ARHGEF38: variants seen among roughly 807,000 people sequenced by gnomAD.
ARHGEF38 encodes the protein Rho guanine nucleotide exchange factor 38, also known as Rho guanine nucleotide exchange factor (GEF) 38.
A neutral mutation model predicts 79.9 loss-of-function variants in ARHGEF38; 79 were observed. The observed-to-expected ratio is 0.99, with a 90% CI of 0.82 to 1.19. ARHGEF38 has a LOEUF of 1.19. Ranked by LOEUF, ARHGEF38 falls within the 50% of genes most tolerant of loss-of-function variation. The pLI is 0.00. For missense variants in ARHGEF38, 962 were observed against 907.2 expected, an observed-to-expected ratio of 1.06 and a Z score of -0.78; for synonymous variants, 366 against 328.3, an observed-to-expected ratio of 1.11 and a Z score of -1.24.
intron 1 of ARHGEF38, among the ~76,000 whole-genome samples, chr4:105,554,323 C>T (rs746095909): frequency 6.6e-6 from 1 of 152,084 alleles, no homozygotes; most frequent in Non-Finnish European, 1.5e-5. Context: ...GCATAGTACC[C>T]AGTAGGTGGT....
chr4:105,614,215 T>C (rs1287577474), intron 3 of ARHGEF38, among the ~76,000 whole-genome samples: 1 of 152,160 alleles, frequency 6.6e-6, no homozygotes, highest in African/African-American at 2.4e-5. Context: ...TCATACAGTG[T>C]CATGTAGGCT....
chr4:105,577,948 T>A (rs550177976), intron 1 of ARHGEF38, among the ~76,000 whole-genome samples: 2 of 152,302 alleles, frequency 1.3e-5, no homozygotes, highest in Admixed American at 1.3e-4. Flanking sequence ...TCTTTGTTAT[T>A]CCTCTTCTTC....
chr4:105,669,079 T>C (rs1730869653), intron 13 of ARHGEF38, among the ~76,000 whole-genome samples: 1 of 151,974 alleles, frequency 6.6e-6, no homozygotes, highest in African/African-American at 2.4e-5. Flanking sequence ...AAAGTAATGG[T>C]TTTTAGTCCC....
At chr4:105,600,352 C>T (rs1213511545) in intron 2 of ARHGEF38, among the ~76,000 whole-genome samples, 1 of 152,154 alleles carries the variant, frequency 6.6e-6, no homozygotes, top group African/African-American at 2.4e-5. Context: ...CAAAAGGAGG[C>T]ACTCACTTCC....
intron 3 of ARHGEF38, among the ~76,000 whole-genome samples, chr4:105,624,375 T>G (rs1466809972): frequency 6.6e-6 from 1 of 152,222 alleles, no homozygotes; most frequent in Admixed American, 6.5e-5. Context: ...AGTTTTCCAG[T>G]CTACTCTTCT....
intron 13 of ARHGEF38, among the ~76,000 whole-genome samples, chr4:105,668,683 T>C (rs1431577305): frequency 2.7e-5 from 4 of 150,754 alleles, no homozygotes; most frequent in Non-Finnish European, 4.4e-5. Flanking sequence ...GATAGATAGA[T>C]AGATAGATAG....
intron 1 of ARHGEF38, among the ~76,000 whole-genome samples, chr4:105,578,151 T>C (rs1475939290): frequency 6.6e-6 from 1 of 152,186 alleles, no homozygotes; most frequent in Non-Finnish European, 1.5e-5. Context: ...CAAAGAATAC[T>C]TAAATTTCTA....
At chr4:105,561,627 A>T (rs1423806241) in intron 1 of ARHGEF38, 1 of 152,062 alleles carries the variant, frequency 6.6e-6, no homozygotes, top group African/African-American at 2.4e-5. Flanking sequence ...CTCCCTGACC[A>T]TCCGACCTAA....
At chr4:105,555,704 T>C (rs1725222782) in intron 1 of ARHGEF38, among the ~76,000 whole-genome samples, 2 of 152,140 alleles carry the variant, frequency 1.3e-5, no homozygotes, top group South Asian at 4.1e-4. Flanking sequence ...GTTATTTAAT[T>C]AGTTATTTAA....
intron 9 of ARHGEF38, among the ~76,000 whole-genome samples, chr4:105,658,494 G>A (rs1408636089): frequency 6.6e-6 from 1 of 152,166 alleles, no homozygotes; most frequent in Non-Finnish European, 1.5e-5. Context: ...GTTACTATCT[G>A]TATAGGGGAT....
rs142127846 is a variant in ARHGEF38 at position 105,614,357 on chromosome 4, C to A, written c.508+850C>A. On this transcript the variant is annotated intron_variant, in intron 3 of 13. Transcript: ENST00000420470. Reference sequence around the variant, plus strand: ...TTTCCTTTCATATATCCCTCCAATGCCACTGCCTTCCCCACAAGTAACCGC... The same window carrying A: ...TTTCCTTTCATATATCCCTCCAATGACACTGCCTTCCCCACAAGTAACCGC... Among the ~76,000 whole-genome samples, 1,367 of 152,224 alleles carry A rather than the reference C, an allele frequency of 9.0e-3. 38 individuals carry two copies. The highest frequency in any genetic ancestry group is 0.049 in the Admixed American group (748 of 15,260).
At chr4:105,582,802 G>C (rs992026741) in intron 1 of ARHGEF38, among the ~76,000 whole-genome samples, 2 of 151,964 alleles carry the variant, frequency 1.3e-5, no homozygotes, top group African/African-American at 4.8e-5. Flanking sequence ...TTCACTTTTT[G>C]CTTCACATGT....
chr4:105,605,382 C>T lies in ARHGEF38; in HGVS notation c.385-8002C>T, dbSNP rs1325515756. On this transcript the variant is annotated intron_variant, in intron 2 of 13. Coordinates refer to ENST00000420470, the MANE Select transcript of ARHGEF38 (RefSeq NM_001242729.2). ...CTCTTTCTCTGGCTTTGACTGTTGC[C>T]TCTGTCCTTCCTCACACACATGCTG... Among the ~76,000 whole-genome samples the T allele has an allele frequency of 3.9e-5, 6 of 152,030 alleles. No homozygotes were observed. The East Asian group carries it at 5.8e-4, about 15-fold the overall frequency.
intron 2 of ARHGEF38, among the ~76,000 whole-genome samples, chr4:105,605,889 A>G (rs962173611): frequency 2.6e-5 from 4 of 152,140 alleles, no homozygotes; most frequent in Non-Finnish European, 5.9e-5. Flanking sequence ...AACCTACTTT[A>G]TCCTCTCAGA....
chr4:105,616,544 G>C (rs1728516631), intron 3 of ARHGEF38, among the ~76,000 whole-genome samples: 1 of 151,992 alleles, frequency 6.6e-6, no homozygotes, highest in South Asian at 2.1e-4. Flanking sequence ...GAACAGCAAG[G>C]GGAAAGTCCA....
chr4:105,578,391 T>C (rs1372959695), intron 1 of ARHGEF38, among the ~76,000 whole-genome samples: 1 of 152,210 alleles, frequency 6.6e-6, no homozygotes, highest in Non-Finnish European at 1.5e-5. Flanking sequence ...GAAGAATGTA[T>C]ATTCTGCAGT....
chr4:105,598,689 A>G (rs1727692028), intron 2 of ARHGEF38, among the ~76,000 whole-genome samples: 1 of 151,834 alleles, frequency 6.6e-6, no homozygotes, highest in Admixed American at 6.6e-5. Context: ...TTTTTTAATC[A>G]AAGACTTGAT....
intron 2 of ARHGEF38, among the ~76,000 whole-genome samples, chr4:105,598,397 T>C (rs1192826822): frequency 6.6e-6 from 1 of 152,104 alleles, no homozygotes; most frequent in Non-Finnish European, 1.5e-5. Context: ...TTCACTACAT[T>C]AAATAAAAAT....
chr4:105,569,593 A>G (rs1361327960), intron 1 of ARHGEF38, among the ~76,000 whole-genome samples: 1 of 152,170 alleles, frequency 6.6e-6, no homozygotes, highest in East Asian at 1.9e-4. Context: ...TGAATTAAGC[A>G]ATTTTCATGC....
Sources: gnomAD v4.1 joint callset for allele counts (sites outside exome capture counted in the v4.1 genomes callset) on GRCh38, gnomAD v4.1.1 for gene constraint, MANE v1.5 for transcripts, NCBI Gene and HGNC (gene_info 2026-07-23, HGNC 2026-07-21) for gene names.